HBS1L: variants seen among roughly 807,000 people sequenced by gnomAD.
HBS1L encodes the protein HBS1-like protein.
A neutral mutation model predicts 88.9 loss-of-function variants in HBS1L; 55 were observed. The ratio of observed to expected loss-of-function variants is 0.62; its 90% confidence interval spans 0.50 to 0.77. The LOEUF is 0.77. Ranked by LOEUF, HBS1L falls within the 30% of genes least tolerant of loss-of-function variation. The probability of loss-of-function intolerance (pLI) is 0.00; values close to 1 mark genes in which losing one functional copy is unlikely to be tolerated. For synonymous variants in HBS1L, 267 were observed against 288.5 expected (o/e 0.93, Z 0.76); for missense variants, 741 against 829.3 (o/e 0.89, Z 1.31).
intron 10 of HBS1L, among the ~76,000 whole-genome samples, 157 bp from the exon 11 acceptor site, chr6:134,986,340 C>T (rs1412962414): frequency 6.6e-6 from 1 of 152,030 alleles, no homozygotes; most frequent in African/African-American, 2.4e-5. Context: ...TTATCTGATC[C>T]AATAATTTTC....
intron 4 of HBS1L, among the ~76,000 whole-genome samples, chr6:135,004,819 A>T (rs1446743042): frequency 6.6e-6 from 1 of 152,218 alleles, no homozygotes; most frequent in East Asian, 1.9e-4. Context: ...CTCAAAGGAG[A>T]GGTCTGAGCT....
intron 4 of HBS1L, among the ~76,000 whole-genome samples, chr6:135,032,876 AAGAC>A (rs1776427759): frequency 1.3e-5 from 2 of 151,884 alleles, no homozygotes; most frequent in South Asian, 2.1e-4. Flanking sequence ...AAGTTTAAGA[AAGAC>A]AGATTCAAAG....
chr6:134,967,855 A>T (rs1462078953), intron 16 of HBS1L, among the ~76,000 whole-genome samples: 1 of 152,232 alleles, frequency 6.6e-6, no homozygotes, highest in Non-Finnish European at 1.5e-5. Flanking sequence ...TTCACAATAC[A>T]GCCTAAAAAT....
chr6:135,034,820 T>C (rs1042147634), intron 4 of HBS1L, among the ~76,000 whole-genome samples: 1 of 152,220 alleles, frequency 6.6e-6, no homozygotes, highest in Non-Finnish European at 1.5e-5. Context: ...ATTCTTGGCA[T>C]TGATAACTCA....
chr6:135,041,101 C>T (rs1409974216), intron 3 of HBS1L, among the ~76,000 whole-genome samples: 1 of 151,878 alleles, frequency 6.6e-6, no homozygotes, highest in Non-Finnish European at 1.5e-5. Flanking sequence ...TTTAATTGTA[C>T]ATGCTCATAT....
At chr6:135,036,721 C>T (rs752703234) in intron 4 of HBS1L, 9 of 1,550,648 alleles carry the variant, frequency 5.8e-6, no homozygotes, top group East Asian at 2.4e-5. Context: ...GTCAAGGGTG[C>T]GTCGCTTGCA....
At chr6:135,008,245 G>A (rs1360650881) in intron 4 of HBS1L, among the ~76,000 whole-genome samples, 1 of 152,176 alleles carries the variant, frequency 6.6e-6, no homozygotes, top group Admixed American at 6.5e-5. Context: ...CATCCGTTAG[G>A]TACAGTTTTC....
intron 9 of HBS1L, 39 bp from the exon 10 acceptor site, chr6:134,986,849 G>A: frequency 1.0e-6 from 1 of 996,116 alleles, no homozygotes. Context: ...CTATCCTTCA[G>A]AACATGATAC....
At chr6:135,003,844 G>A (rs1012110241) in intron 4 of HBS1L, among the ~76,000 whole-genome samples, 8 of 152,062 alleles carry the variant, frequency 5.3e-5, no homozygotes, top group Non-Finnish European at 1.0e-4. Context: ...CAGCCTAGGC[G>A]ACAGAGTGAG....
rs1206263261 is a variant in HBS1L at position 134,996,836 on chromosome 6, A to G, written c.906T>C (p.Ala302=). 6.2e-7 allele frequency: 1 copy of G among 1,612,180 alleles called. No homozygotes were observed. The highest frequency in any genetic ancestry group is 1.1e-5 in the South Asian group (1 of 90,758). Residue 302 remains alanine, a synonymous_variant, in exon 7 of 18, where the codon GCT becomes GCC. Transcript: ENST00000367837. The part of the protein sequence containing the change: ...MHKYEQESKK[A]GKASFAYAWV... ...ATGCATATGCAAACGAAGCTTTGCC[A>G]GCCTTTTTAGACTCCTGTTCATACT...
At chr6:134,988,540 A>T (rs996821115) in intron 8 of HBS1L, among the ~76,000 whole-genome samples, 5 of 152,182 alleles carry the variant, frequency 3.3e-5, no homozygotes, top group Non-Finnish European at 7.3e-5. Flanking sequence ...TAAATGGTCA[A>T]CATGAAAAAA....
intron 4 of HBS1L, among the ~76,000 whole-genome samples, chr6:135,024,976 T>A (rs576777491): frequency 4.6e-5 from 7 of 152,170 alleles, no homozygotes; most frequent in Admixed American, 6.6e-5. Flanking sequence ...CCTAAATCTT[T>A]AGGACAAGGC....
chr6:134,961,265 A>G lies in HBS1L; in HGVS notation c.*4014T>C, dbSNP rs1227758181. The G allele has an allele frequency of 6.6e-6, 1 of 151,936 alleles. No homozygotes were observed. Among genetic ancestry groups the G allele is most frequent in the Non-Finnish European group, 1.5e-5 (1 of 67,962 alleles). The allele number at this position is 151,936 out of a possible 1,614,324, so 9.4% of individuals were successfully genotyped here. Reference sequence around the variant, plus strand: ...TTCTTTCCCTATTTCATATCCCCATATTTGGTGCAATAATTTAATTCACTT... The same window carrying G: ...TTCTTTCCCTATTTCATATCCCCATGTTTGGTGCAATAATTTAATTCACTT... On this transcript the variant is annotated 3_prime_UTR_variant, in exon 18 of 18. Transcript: ENST00000367837.
At chr6:135,006,376 T>C (rs1775612086) in intron 4 of HBS1L, among the ~76,000 whole-genome samples, 1 of 151,518 alleles carries the variant, frequency 6.6e-6, no homozygotes, top group African/African-American at 2.4e-5. Context: ...TGTTTTTCCA[T>C]ACAGATAGGT....
intron 2 of HBS1L, among the ~76,000 whole-genome samples, chr6:135,048,297 C>T (rs1776973830): frequency 6.6e-6 from 1 of 152,154 alleles, no homozygotes; most frequent in Non-Finnish European, 1.5e-5. Flanking sequence ...TCCAAAACTC[C>T]CAGAACCAGC....
chr6:134,986,281 A>G (rs960337296), intron 10 of HBS1L, 98 bp from the exon 11 acceptor site: 2 of 682,752 alleles, frequency 2.9e-6, no homozygotes, highest in Non-Finnish European at 5.2e-6. Context: ...CAAAAGCAAC[A>G]ATGTACTTTT....
chr6:134,980,171 T>A (rs1464345159), intron 13 of HBS1L, among the ~76,000 whole-genome samples: 1 of 152,026 alleles, frequency 6.6e-6, no homozygotes, highest in African/African-American at 2.4e-5. Context: ...CACATTGACA[T>A]GTTCTTAGTA....
In HBS1L at chr6:134,970,992, C is replaced by T. The variant is rs150912130; in HGVS notation, c.1798-1654G>A. ...GTTTGTAGAAACATTGGCACTTCTA[C>T]TCTGGAATTTCCTAGCCAAAATAGT... On this transcript the variant is annotated intron_variant, in intron 15 of 17. Coordinates refer to ENST00000367837, the MANE Select transcript of HBS1L (RefSeq NM_006620.4). Among the ~76,000 whole-genome samples the T allele has an allele frequency of 7.1e-3, 1,084 of 152,122 alleles. 10 individuals carry two copies. The highest frequency in any genetic ancestry group is 0.024 in the African/African-American group (1,011 of 41,482).
intron 4 of HBS1L, among the ~76,000 whole-genome samples, chr6:135,025,212 G>C (rs185326224): frequency 6.6e-6 from 1 of 152,114 alleles, no homozygotes; most frequent in African/African-American, 2.4e-5. Context: ...CAAAAAAGTA[G>C]GAAACAGTCA....
Sources: allele counts gnomAD v4.1 joint callset (sites outside exome capture counted in the v4.1 genomes callset), GRCh38; gene constraint gnomAD v4.1.1; transcripts MANE v1.5; gene names NCBI Gene and HGNC (gene_info 2026-07-23, HGNC 2026-07-21).